The following MEGF11 variants were observed in gnomAD, a reference collection of about 807,000 sequenced individuals.
MEGF11 encodes multiple epidermal growth factor-like domains protein 11.
MEGF11 carries 126 observed loss-of-function variants against 146.6 expected under a neutral mutation model. The ratio of observed to expected loss-of-function variants is 0.86; its 90% CI spans 0.74 to 1.00. The LOEUF (loss-of-function observed/expected upper bound fraction) is 1.00. Ranked by LOEUF, MEGF11 falls within the 50% of genes least tolerant of loss-of-function variation. The pLI is 0.00. For synonymous variants in MEGF11, 532 were observed against 583.4 expected, an observed-to-expected ratio of 0.91 and a Z score of 1.27; for missense variants, 1,509 against 1,521.2, an observed-to-expected ratio of 0.99 and a Z score of 0.13.
intron 11 of MEGF11, among the ~76,000 whole-genome samples, chr15:65,930,360 G>A (rs888083237): frequency 6.6e-6 from 1 of 152,074 alleles, no homozygotes; most frequent in Admixed American, 6.5e-5. Context: ...CTGCCTGCAG[G>A]AGACCGGCCC....
intron 5 of MEGF11, among the ~76,000 whole-genome samples, chr15:65,991,261 C>A (rs1292231604): frequency 1.3e-5 from 2 of 152,174 alleles, no homozygotes; most frequent in Admixed American, 6.5e-5. Flanking sequence ...CGAGAGCTTA[C>A]CAGGGACCAG....
intron 1 of MEGF11, among the ~76,000 whole-genome samples, chr15:66,175,384 C>T (rs2090365740): frequency 6.6e-6 from 1 of 152,120 alleles, no homozygotes; most frequent in South Asian, 2.1e-4. Flanking sequence ...AGCAAAAAGA[C>T]AAAGCTGGGG....
At chr15:66,122,233 C>T (rs2088064714) in intron 3 of MEGF11, among the ~76,000 whole-genome samples, 1 of 150,102 alleles carries the variant, frequency 6.7e-6, no homozygotes, top group Admixed American at 6.7e-5. Context: ...CACTGCACTC[C>T]AGCCTGGGCA....
chr15:65,906,891 C>G lies in MEGF11; in HGVS notation c.2999-750G>C, dbSNP rs140652430. Among the ~76,000 whole-genome samples the G allele has an allele frequency of 4.9e-3, 750 of 152,274 alleles. 3 individuals carry two copies. The highest frequency in any genetic ancestry group is 8.5e-3 in the Non-Finnish European group (576 of 68,006). On this transcript the variant is annotated intron_variant, in intron 23 of 25. Transcript: ENST00000395614. Reference sequence around the variant, plus strand: ...CTACCTTTCGGCTGTCAGTTTTTTCCTAGGCTCCAACAATGCATGATGGCC... The same window carrying G: ...CTACCTTTCGGCTGTCAGTTTTTTCGTAGGCTCCAACAATGCATGATGGCC...
At chr15:66,119,009 C>A (rs2087873425) in intron 4 of MEGF11, 77 bp downstream of exon 4, 1 of 959,116 alleles carries the variant, frequency 1.0e-6, no homozygotes, top group South Asian at 1.5e-5. Context: ...ATATCAGCCC[C>A]ACCTCCCCTC....
chr15:66,054,921 A>G (rs570574867), intron 5 of MEGF11, among the ~76,000 whole-genome samples: 36 of 152,360 alleles, frequency 2.4e-4, no homozygotes, highest in Non-Finnish European at 3.4e-4. Flanking sequence ...GGAATAGTCC[A>G]GAAAGTATAT....
intron 1 of MEGF11, among the ~76,000 whole-genome samples, chr15:66,191,900 C>G (rs2090892021): frequency 6.6e-6 from 1 of 151,110 alleles, no homozygotes; most frequent in South Asian, 2.1e-4. Flanking sequence ...ATGGTGAAAC[C>G]CCGTATCTAC....
intron 5 of MEGF11, among the ~76,000 whole-genome samples, chr15:65,992,395 G>T (rs2082070525): frequency 6.9e-6 from 1 of 145,366 alleles, no homozygotes; most frequent in Non-Finnish European, 1.5e-5. Flanking sequence ...CTCAAGGGCT[G>T]CAGGAATCCC....
chr15:66,236,328 G>A (rs1397100965), intron 1 of MEGF11, among the ~76,000 whole-genome samples: 4 of 152,124 alleles, frequency 2.6e-5, no homozygotes, highest in African/African-American at 9.7e-5. Context: ...CATCCCGAGG[G>A]CAATGGGAAA....
intron 7 of MEGF11, among the ~76,000 whole-genome samples, chr15:65,975,942 AG>A (rs2081430176): frequency 6.6e-6 from 1 of 151,896 alleles, no homozygotes; most frequent in African/African-American, 2.4e-5. Context: ...GGGGAGAGGC[AG>A]GGGGAGAGAG....
intron 1 of MEGF11, among the ~76,000 whole-genome samples, chr15:66,235,345 T>A (rs1042753374): frequency 6.6e-6 from 1 of 151,778 alleles, no homozygotes; most frequent in Non-Finnish European, 1.5e-5. Flanking sequence ...CTATAAAAAA[T>A]TTTAAAATTA....
intron 5 of MEGF11, among the ~76,000 whole-genome samples, chr15:66,038,972 G>A (rs906713411): frequency 2.0e-5 from 3 of 152,174 alleles, no homozygotes; most frequent in African/African-American, 7.2e-5. Flanking sequence ...GTGCAGTCTA[G>A]GGAATGGTTC....
intron 5 of MEGF11, among the ~76,000 whole-genome samples, chr15:66,040,513 G>T (rs1007997448): frequency 6.9e-6 from 1 of 145,688 alleles, no homozygotes. Flanking sequence ...ATTTCACAGC[G>T]ATACGTTCTC....
intron 23 of MEGF11, 74 bp downstream of exon 23, chr15:65,908,960 G>T (rs2078710793): frequency 2.2e-6 from 2 of 922,572 alleles, no homozygotes; most frequent in Non-Finnish European, 3.4e-6. Context: ...GGGTCAAGGT[G>T]CAGGGATGGG....
intron 10 of MEGF11, among the ~76,000 whole-genome samples, chr15:65,944,441 G>A (rs558923412): frequency 5.1e-4 from 77 of 152,324 alleles, no homozygotes; most frequent in African/African-American, 1.7e-3. Flanking sequence ...TGGCAGTGGG[G>A]CCACACGTGG....
At chr15:66,215,954 C>T (rs2091571809) in intron 1 of MEGF11, among the ~76,000 whole-genome samples, 1 of 152,168 alleles carries the variant, frequency 6.6e-6, no homozygotes, top group Admixed American at 6.5e-5. Flanking sequence ...GCTCTCCAAC[C>T]CGTCTGAGAT....
At chr15:66,212,088 G>A (rs1002372164) in intron 1 of MEGF11, among the ~76,000 whole-genome samples, 37 of 9,398 alleles carry the variant, frequency 3.9e-3, no homozygotes, top group South Asian at 0.012. Flanking sequence ...CTCTCCTCCC[G>A]CCCGCCAGTC....
chr15:66,129,831 A>G (rs1199362376), intron 1 of MEGF11, among the ~76,000 whole-genome samples: 1 of 152,248 alleles, frequency 6.6e-6, no homozygotes, highest in African/African-American at 2.4e-5. Context: ...CCAATTCTGT[A>G]TAACCGTGGG....
At chr15:65,943,503 C>T (rs557699901) in intron 10 of MEGF11, among the ~76,000 whole-genome samples, 8 of 152,114 alleles carry the variant, frequency 5.3e-5, no homozygotes, top group East Asian at 1.9e-4. Flanking sequence ...TGATGTATTT[C>T]GTGTGATTAA....
Sources: gnomAD v4.1 joint callset for allele counts (sites outside exome capture counted in the v4.1 genomes callset) on GRCh38, gnomAD v4.1.1 for gene constraint, MANE v1.5 for transcripts, NCBI Gene and HGNC (gene_info 2026-07-23, HGNC 2026-07-21) for gene names.